Variants in TLL1 observed in about 807,000 individuals in gnomAD.
The protein encoded by TLL1 is tolloid like 1.
Under a neutral mutation model 128.2 loss-of-function variants are expected in TLL1, and 49 were observed. The ratio of observed to expected loss-of-function variants is 0.38; its 90% CI spans 0.30 to 0.48. The LOEUF (loss-of-function observed/expected upper bound fraction) is 0.48. Among genes scored for constraint, TLL1 ranks in the 20% least tolerant of loss-of-function variants. The pLI is 0.96. For missense variants in TLL1, 1,123 were observed against 1,242.0 expected (o/e 0.90, Z 1.44); for synonymous variants, 454 against 418.8 (o/e 1.08, Z -1.03).
Position 166,088,867 on chromosome 4 carries a change from G to A in TLL1, c.2443-2261G>A, listed in dbSNP as rs137945149. ...GCAGATGTTATGATTTAGGCCAGAC[G>A]TCCTGCGTTTCATTAGGAAGAAAAA... is the stretch of plus-strand genomic sequence containing the variant. On this transcript the variant is annotated intron_variant, in intron 18 of 20. Coordinates refer to ENST00000061240, the MANE Select transcript of TLL1 (RefSeq NM_012464.5). Among the ~76,000 whole-genome samples, 7 of 152,196 alleles carry A rather than the reference G, an allele frequency of 4.6e-5. No individual in the cohort carries two copies. In the East Asian group the frequency reaches 5.8e-4, roughly 13 times the overall value.
At chr4:165,976,019 A>C (rs1735861591) in intron 1 of TLL1, among the ~76,000 whole-genome samples, 1 of 123,106 alleles carries the variant, frequency 8.1e-6, no homozygotes, top group South Asian at 3.0e-4. Flanking sequence ...TGGGTAACAG[A>C]GTGAGATTCC....
intron 1 of TLL1, among the ~76,000 whole-genome samples, chr4:165,930,505 A>C (rs952142625): frequency 6.6e-6 from 1 of 152,128 alleles, no homozygotes; most frequent in Non-Finnish European, 1.5e-5. Context: ...ACTGAAACAC[A>C]GTAAAATTTA....
chr4:166,042,866 C>T (rs985590002), intron 11 of TLL1, among the ~76,000 whole-genome samples: 3 of 152,074 alleles, frequency 2.0e-5, no homozygotes, highest in African/African-American at 7.2e-5. Flanking sequence ...TAACTCGCTG[C>T]CAGAGACCCA....
rs1737795430 is a variant in TLL1 at position 166,013,494 on chromosome 4, G to T, written c.918-942G>T. Among the ~76,000 whole-genome samples the T allele has an allele frequency of 2.0e-5, 3 of 151,506 alleles. No homozygotes were observed. The South Asian group carries it at 6.3e-4, about 32-fold the overall frequency. On this transcript the variant is annotated intron_variant, in intron 7 of 20. Coordinates refer to ENST00000061240, the MANE Select transcript of TLL1 (RefSeq NM_012464.5). ...GCTGCATCATTTTCTCAATTTAAAA[G>T]ATATTATAAAATTTTATTTCTTAAT... is the stretch of plus-strand genomic sequence containing the variant.
At chr4:166,051,594 G>A (rs1041604247) in intron 12 of TLL1, among the ~76,000 whole-genome samples, 6 of 152,026 alleles carry the variant, frequency 3.9e-5, no homozygotes, top group Non-Finnish European at 5.9e-5. Flanking sequence ...GTTATCACTC[G>A]TGTTGATGTA....
intron 19 of TLL1, among the ~76,000 whole-genome samples, chr4:166,093,451 G>A (rs1846168): frequency 0.11 from 16,438 of 152,184 alleles, 1,195 homozygotes; most frequent in East Asian, 0.36. Context: ...TAACAAAGCA[G>A]CATTGCTGCC....
intron 1 of TLL1, among the ~76,000 whole-genome samples, chr4:165,916,585 G>A (rs990953981): frequency 1.3e-5 from 2 of 152,134 alleles, no homozygotes; most frequent in Admixed American, 6.5e-5. Flanking sequence ...GGTAGATAAA[G>A]GATATATGTA....
At position 166,039,347 on chromosome 4, in the gene TLL1, A is replaced by G. The variant is rs1455540269; in HGVS notation, c.1167A>G (p.Leu389=). The G allele has an allele frequency of 1.2e-6, 2 of 1,612,652 alleles. No homozygotes were observed. The highest frequency in any genetic ancestry group is 1.7e-6 in the Non-Finnish European group (2 of 1,178,926). ...TTACCTCCATTTTGCAGATTGTTTT[A>G]AATTTTACAACGATGGATCTATACA... ...VSVTPGEKIV[L]NFTTMDLYKS... is the part of the protein sequence containing the mutation. Residue 389 remains leucine (L), a synonymous_variant, in exon 10 of 21, where the codon TTA becomes TTG. Transcript: ENST00000061240.
chr4:166,050,844 C>T (rs546708517), intron 12 of TLL1, among the ~76,000 whole-genome samples: 6 of 152,200 alleles, frequency 3.9e-5, no homozygotes, highest in African/African-American at 1.2e-4. Flanking sequence ...TTCTATGGTT[C>T]GTCTTCATTC....
At chr4:165,903,778 A>C (rs1732121661) in intron 1 of TLL1, among the ~76,000 whole-genome samples, 1 of 150,290 alleles carries the variant, frequency 6.7e-6, no homozygotes, top group South Asian at 2.1e-4. Flanking sequence ...TAATAATAAT[A>C]AATAATAAGG....
At position 165,976,224 on chromosome 4, in the gene TLL1, A is replaced by G. The variant is rs533683018; in HGVS notation, c.170-13157A>G. Among the ~76,000 whole-genome samples, 6 of 152,214 alleles carry G rather than the reference A, an allele frequency of 3.9e-5. No individual in the cohort carries two copies. The East Asian group carries it at 9.7e-4, about 25-fold the overall frequency. On this transcript the variant is annotated intron_variant, in intron 1 of 20. Transcript: ENST00000061240. ...ACTTCACAGGAAATGCAAGAGATCT[A>G]TTGGAGCCAATGGAAATGTTCAGGA...
chr4:166,034,881 G>A (rs766557734), intron 9 of TLL1, among the ~76,000 whole-genome samples: 4 of 152,152 alleles, frequency 2.6e-5, no homozygotes, highest in Non-Finnish European at 5.9e-5. Context: ...GTAGATTCAG[G>A]TATCTGGTTA....
At position 166,099,502 on chromosome 4, in the gene TLL1, G is replaced by T. The variant is rs371256194; in HGVS notation, c.2882G>T (p.Gly961Val). 1.9e-6 allele frequency: 3 copies of T among 1,613,160 alleles called. No homozygotes were observed. The African/African-American group carries it at 4.0e-5, about 22-fold the overall frequency. Reference protein sequence around the residue: ...LFDGLDSTAVGLGRFCGSGPP... With the variant: ...LFDGLDSTAVVLGRFCGSGPP... ...GATGGTCTTGATTCAACAGCTGTGG[G>T]GCTTGGTCGATTCTGTGGATCCGGG... Residue 961 changes from glycine to valine, a missense_variant, in exon 20 of 21, where the codon GGG becomes GTG. Physicochemically the swap from Gly to Val is moderately radical, Grantham distance 109. This residue lies in a region of TLL1 where 634 missense variants were observed against 672.4 expected (regional missense o/e 0.94). Transcript: ENST00000061240.
chr4:166,084,494 C>T (rs886855260), intron 18 of TLL1, among the ~76,000 whole-genome samples: 1 of 152,036 alleles, frequency 6.6e-6, no homozygotes, highest in Non-Finnish European at 1.5e-5. Context: ...CTATGTTTTC[C>T]TCTAGTAGTT....
Position 166,091,277 on chromosome 4 carries a change from G to A in TLL1, c.2592G>A (p.Met864Ile), listed in dbSNP as rs1443880559. 3 of 1,613,008 alleles carry A rather than the reference G, an allele frequency of 1.9e-6. No individual in the cohort carries two copies. Among genetic ancestry groups the A allele is most frequent in the African/African-American group, 2.7e-5 (2 of 74,974 alleles). The change falls in exon 19 of 21, where the codon ATG becomes ATA. Residue 864 changes from methionine to isoleucine, a missense_variant. Transcript: ENST00000061240. Reference sequence around the variant, plus strand: ...CCCTTGTGGCTACTGGAAATAAAATGTTTGTTCGGTTTGTTTCTGATGCAT... The same window carrying A: ...CCCTTGTGGCTACTGGAAATAAAATATTTGTTCGGTTTGTTTCTGATGCAT... ...PDPLVATGNK[M>I]FVRFVSDASV...
At chr4:165,973,842 T>G (rs1735744081) in intron 1 of TLL1, among the ~76,000 whole-genome samples, 1 of 151,954 alleles carries the variant, frequency 6.6e-6, no homozygotes, top group African/African-American at 2.4e-5. Flanking sequence ...ATTTTTGTAT[T>G]TTTAATAGAG....
chr4:165,955,812 C>A (rs771603063), intron 1 of TLL1, among the ~76,000 whole-genome samples: 4 of 152,154 alleles, frequency 2.6e-5, no homozygotes, highest in Non-Finnish European at 5.9e-5. Context: ...AATGAAAGAA[C>A]ACTACCTGAT....
intron 1 of TLL1, among the ~76,000 whole-genome samples, chr4:165,964,224 A>G (rs1168610518): frequency 6.6e-6 from 1 of 152,182 alleles, no homozygotes; most frequent in Non-Finnish European, 1.5e-5. Context: ...TCTGAGTTTC[A>G]ATATCTTCAT....
chr4:165,960,391 A>C (rs1466560377), intron 1 of TLL1, among the ~76,000 whole-genome samples: 1 of 152,122 alleles, frequency 6.6e-6, no homozygotes, highest in Non-Finnish European at 1.5e-5. Context: ...CAGATGTACA[A>C]ATAACTGGTA....
Sources: allele counts gnomAD v4.1 joint callset (sites outside exome capture counted in the v4.1 genomes callset), GRCh38; gene constraint gnomAD v4.1.1; regional missense constraint gnomAD v4.1.1; transcripts MANE v1.5; gene names NCBI Gene and HGNC (gene_info 2026-07-23, HGNC 2026-07-21).